The following CCDC32 variants were observed in gnomAD, a reference collection of about 807,000 sequenced individuals.
CCDC32 encodes the protein coiled-coil domain-containing protein 32.
CCDC32 carries 9 observed loss-of-function variants against 20.1 expected under a neutral mutation model. The observed-to-expected ratio is 0.45, with a 90% CI of 0.27 to 0.78. CCDC32 has a LOEUF of 0.78. Among genes scored for constraint, CCDC32 ranks in the 30% least tolerant of loss-of-function variants. The probability of loss-of-function intolerance (pLI) is 0.16; values close to 1 mark genes in which losing one functional copy is unlikely to be tolerated. For missense variants in CCDC32, 204 were observed against 215.5 expected, an observed-to-expected ratio of 0.95 and a Z score of 0.33; for synonymous variants, 63 against 79.0, an observed-to-expected ratio of 0.80 and a Z score of 1.07.
downstream of CCDC32, chr15:40,532,397 G>A (rs867156174): frequency 3.7e-4 from 248 of 674,522 alleles, 1 homozygote; most frequent in South Asian, 2.4e-3. Context: ...GATATCACCC[G>A]TCTTACTGCT....
chr15:40,553,781 C>A lies in CCDC32; in HGVS notation c.*190G>T. ...CACACATGCCAGCCCCAGGTAAGTCCCTGGGGGCTTGCAGCTGTTTTCTTT... is the reference window on the plus strand; with the variant it reads ...CACACATGCCAGCCCCAGGTAAGTCACTGGGGGCTTGCAGCTGTTTTCTTT... On this transcript the variant is annotated 3_prime_UTR_variant, in exon 4 of 4. Transcript: ENST00000416810. 7.2e-7 allele frequency: 1 copy of A among 1,391,986 alleles called. No individual in the cohort carries two copies. Among genetic ancestry groups the A allele is most frequent in the South Asian group, 1.7e-5 (1 of 60,296 alleles). The allele number at this position is 1,391,986 out of a possible 1,614,324, so 86.2% of individuals were successfully genotyped here. A position where few individuals can be genotyped will look rare whatever the true frequency, so the allele number is the denominator to read the frequency against.
rs187392024 is a variant in CCDC32 at position 40,554,013 on chromosome 15, G to T, written c.516C>A (p.Asp172Glu). 3 of 1,611,838 alleles carry T rather than the reference G, an allele frequency of 1.9e-6. No homozygotes were observed. Among genetic ancestry groups the T allele is most frequent in the African/African-American group, 2.7e-5 (2 of 74,518 alleles). The change falls in exon 4 of 4, where the codon GAC becomes GAA. Residue 172 changes from aspartate (D) to glutamate (E), a missense_variant. Asp to Glu is a conservative substitution (Grantham distance 45, BLOSUM62 2). Transcript: ENST00000416810. Reference protein sequence around the residue: ...ESQVEKPVAEDEPAAGDKPAA... With the variant: ...ESQVEKPVAEEEPAAGDKPAA... ...CTGGCTTGTCCCCGGCTGCTGGCTC[G>T]TCCTCGGCCACTGGCTTCTCAACCT...
downstream of CCDC32, chr15:40,539,059 G>A (rs2290379): frequency 0.9 from 547,039 of 604,742 alleles, 248,569 homozygotes; most frequent in Non-Finnish European, 0.93. Flanking sequence ...TCTCTCGCCA[G>A]CTGTCCCACT....
downstream of CCDC32, among the ~76,000 whole-genome samples, chr15:40,525,466 C>T (rs1894889808): frequency 6.6e-6 from 1 of 152,194 alleles, no homozygotes; most frequent in African/African-American, 2.4e-5. Context: ...TATGGCTGAG[C>T]ACTCTTCCTC....
intron 3 of CCDC32, among the ~76,000 whole-genome samples, chr15:40,541,554 A>G (rs903397223): frequency 5.3e-5 from 8 of 151,834 alleles, no homozygotes; most frequent in African/African-American, 1.9e-4. Context: ...CTGGTCTCGA[A>G]CTCCTGACCT....
the CCDC32 span, among the ~76,000 whole-genome samples, chr15:40,521,550 G>A: frequency 6.6e-6 from 1 of 152,164 alleles, no homozygotes; most frequent in Admixed American, 6.5e-5. Context: ...GAGTGAAATT[G>A]CTGCATCATA....
chr15:40,521,330 C>G, the CCDC32 span, among the ~76,000 whole-genome samples: 1 of 152,190 alleles, frequency 6.6e-6, no homozygotes, highest in Non-Finnish European at 1.5e-5. Context: ...TGACACTTTT[C>G]TCACTTGGCA....
At chr15:40,563,561 G>A (rs1257757400) in intron 1 of CCDC32, among the ~76,000 whole-genome samples, 1 of 151,884 alleles carries the variant, frequency 6.6e-6, no homozygotes, top group Non-Finnish European at 1.5e-5. Context: ...TTCAGTTTGG[G>A]AAAATGAAAA....
chr15:40,534,834 C>A, downstream of CCDC32: 1 of 699,566 alleles, frequency 1.4e-6, no homozygotes, highest in East Asian at 2.7e-5. Flanking sequence ...AGTGTTTCAA[C>A]ATGTATATTT....
chr15:40,544,408 G>C (rs971983574), intron 3 of CCDC32, among the ~76,000 whole-genome samples: 7 of 151,982 alleles, frequency 4.6e-5, no homozygotes, highest in Admixed American at 4.6e-4. Flanking sequence ...GTAGAGACGG[G>C]GTCTCTTTCT....
chr15:40,553,322 T>TA lies in CCDC32; in HGVS notation c.*648dup. ...GAGAAGCCATGCATGAAGTAAAAAA[T>TA]ACATATACACAGACATAAACACCCA... is the stretch of plus-strand genomic sequence containing the variant. On this transcript the variant is annotated 3_prime_UTR_variant, in exon 4 of 4. Transcript: ENST00000416810. The TA allele has an allele frequency of 1.0e-6, 1 of 985,272 alleles. No individual in the cohort carries two copies. The highest frequency in any genetic ancestry group is 1.2e-6 in the Non-Finnish European group (1 of 829,904). The allele number at this position is 985,272 out of a possible 1,614,324, so 61.0% of individuals were successfully genotyped here.
At chr15:40,538,480 A>G (rs967912375), downstream of CCDC32, 7 of 152,232 alleles carry the variant, frequency 4.6e-5, no homozygotes, top group Admixed American at 2.6e-4. Flanking sequence ...GTCCGCCCCA[A>G]TAGGAGAAAG....
At chr15:40,535,241 T>C, downstream of CCDC32, 1 of 1,399,914 alleles carries the variant, frequency 7.1e-7, no homozygotes. Context: ...TCTGCAGTAG[T>C]CTACATGAGA....
At chr15:40,547,122 T>C (rs1390225949) in intron 3 of CCDC32, among the ~76,000 whole-genome samples, 2 of 151,828 alleles carry the variant, frequency 1.3e-5, no homozygotes, top group Non-Finnish European at 2.9e-5. Context: ...GTCTGGGGGG[T>C]TGAGTCAGTC....
At chr15:40,529,756 G>A (rs536899254) in intron 3 of CCDC32, 1 of 150,812 alleles carries the variant, frequency 6.6e-6, no homozygotes, top group African/African-American at 2.4e-5. Context: ...CCGCCTCCCG[G>A]GTTCACACCA....
intron 3 of CCDC32, among the ~76,000 whole-genome samples, chr15:40,543,439 G>GTTTTGT (rs1237748861): frequency 4.6e-5 from 7 of 151,940 alleles, no homozygotes; most frequent in Non-Finnish European, 8.8e-5. Flanking sequence ...CTCTCTCTCT[G>GTTTTGT]TTTTGTTTTT....
chr15:40,528,935 A>G, intron 3 of CCDC32: 1 of 583,274 alleles, frequency 1.7e-6, no homozygotes, highest in Non-Finnish European at 3.0e-6. Flanking sequence ...AGTGGTATTC[A>G]GCGCTCAGCA....
intron 3 of CCDC32, chr15:40,556,519 T>G (rs778017511): frequency 4.6e-5 from 7 of 152,214 alleles, no homozygotes; most frequent in Non-Finnish European, 1.0e-4. Context: ...CGTAAATTCA[T>G]TGAGTGGCTA....
At chr15:40,521,645 T>TC in the CCDC32 span, among the ~76,000 whole-genome samples, 2 of 152,182 alleles carry the variant, frequency 1.3e-5, no homozygotes, top group Non-Finnish European at 2.9e-5. Context: ...CCTCGCAGAC[T>TC]CTTGTTATTG....
Sources: allele counts gnomAD v4.1 joint callset (sites outside exome capture counted in the v4.1 genomes callset), GRCh38; gene constraint gnomAD v4.1.1; transcripts MANE v1.5; gene names NCBI Gene and HGNC (gene_info 2026-07-23, HGNC 2026-07-21).